NRXN3: variants seen among roughly 807,000 people sequenced by gnomAD.
NRXN3 encodes neurexin 3, also known as neurexin III.
In NRXN3, 32 loss-of-function variants were observed where a neutral mutation model predicts 137.6. That is an observed-to-expected ratio of 0.23 (90% confidence interval 0.18 to 0.31). The LOEUF is 0.31. Ranked by LOEUF, NRXN3 falls within the 10% of genes least tolerant of loss-of-function variation. NRXN3 has a pLI of 1.00. For synonymous variants in NRXN3, 798 were observed against 784.5 expected, an observed-to-expected ratio of 1.02 and a Z score of -0.29; for missense variants, 1,574 against 2,062.5, an observed-to-expected ratio of 0.76 and a Z score of 4.59.
chr14:79,559,733 C>A (rs2097470528), intron 16 of NRXN3, among the ~76,000 whole-genome samples: 1 of 152,072 alleles, frequency 6.6e-6, no homozygotes, highest in Admixed American at 6.5e-5. Context: ...AGCATAATAT[C>A]TACAAAGTGC....
chr14:79,081,340 G>C (rs756797824), intron 15 of NRXN3, among the ~76,000 whole-genome samples: 1 of 152,148 alleles, frequency 6.6e-6, no homozygotes, highest in Middle Eastern at 3.2e-3. Flanking sequence ...GTCCAGCCAG[G>C]TGCGGTGGCT....
intron 15 of NRXN3, among the ~76,000 whole-genome samples, chr14:79,046,592 A>G (rs2099633412): frequency 6.6e-6 from 1 of 152,196 alleles, no homozygotes; most frequent in African/African-American, 2.4e-5. Flanking sequence ...CAGGGGACAT[A>G]GGATCTTGTA....
chr14:78,608,245 G>C (rs1418151705), intron 4 of NRXN3, among the ~76,000 whole-genome samples: 1 of 152,094 alleles, frequency 6.6e-6, no homozygotes, highest in South Asian at 2.1e-4. Context: ...GGTCTGAAAT[G>C]TTACAACTTC....
intron 15 of NRXN3, among the ~76,000 whole-genome samples, chr14:79,387,605 A>G (rs2094677393): frequency 6.6e-6 from 1 of 152,198 alleles, no homozygotes; most frequent in Admixed American, 6.5e-5. Flanking sequence ...ATTACTGGGT[A>G]TATACCTAAA....
intron 1 of NRXN3, among the ~76,000 whole-genome samples, chr14:78,216,570 G>A: frequency 6.6e-6 from 1 of 152,200 alleles, no homozygotes; most frequent in Non-Finnish European, 1.5e-5. Context: ...AAGTTGGCTT[G>A]AGACAATGTT....
intron 15 of NRXN3, among the ~76,000 whole-genome samples, chr14:79,208,308 G>T (rs1021395965): frequency 1.3e-5 from 2 of 152,108 alleles, no homozygotes; most frequent in Admixed American, 6.5e-5. Context: ...AGCATATCGA[G>T]GTAGGATTAA....
chr14:78,611,017 C>T (rs2152468400), intron 4 of NRXN3, among the ~76,000 whole-genome samples: 1 of 152,302 alleles, frequency 6.6e-6, no homozygotes, highest in South Asian at 2.1e-4. Flanking sequence ...CTTCCTCTCA[C>T]TTCCCTCCCT....
intron 4 of NRXN3, chr14:78,526,699 T>C (rs1009522766): frequency 1.6e-5 from 8 of 509,540 alleles, no homozygotes; most frequent in Non-Finnish European, 2.7e-5. Context: ...GTAAGCACTT[T>C]CGTGCATTAT....
intron 10 of NRXN3, among the ~76,000 whole-genome samples, chr14:78,885,470 A>C (rs1312486064): frequency 1.2e-4 from 18 of 152,088 alleles, no homozygotes; most frequent in Non-Finnish European, 2.2e-4. Flanking sequence ...AATTGCATTT[A>C]ATACATAATA....
chr14:78,446,187 G>A (rs949531383), intron 4 of NRXN3, among the ~76,000 whole-genome samples: 2 of 152,062 alleles, frequency 1.3e-5, no homozygotes, highest in Non-Finnish European at 2.9e-5. Flanking sequence ...TTAACTCAGC[G>A]CAAGTTTTGT....
chr14:79,145,600 A>C (rs1011118795), intron 15 of NRXN3, among the ~76,000 whole-genome samples: 1 of 152,196 alleles, frequency 6.6e-6, no homozygotes, highest in Non-Finnish European at 1.5e-5. Flanking sequence ...GAGCAGCCAG[A>C]CAGGTCTTCC....
chr14:78,196,588 A>G (rs1278739786), intron 1 of NRXN3, among the ~76,000 whole-genome samples: 1 of 152,198 alleles, frequency 6.6e-6, no homozygotes, highest in Admixed American at 6.5e-5. Context: ...TTCCTTTATC[A>G]TTTTAAAAAT....
chr14:79,231,364 G>A (rs981633331), intron 15 of NRXN3, among the ~76,000 whole-genome samples: 1 of 152,162 alleles, frequency 6.6e-6, no homozygotes, highest in Non-Finnish European at 1.5e-5. Flanking sequence ...TTCAGTCTAA[G>A]CCAATGTGGG....
At chr14:79,043,306 A>G (rs1048186809) in intron 15 of NRXN3, among the ~76,000 whole-genome samples, 5 of 152,168 alleles carry the variant, frequency 3.3e-5, no homozygotes, top group African/African-American at 1.2e-4. Flanking sequence ...TCTGTTTTAG[A>G]TACTGAAAGT....
intron 16 of NRXN3, among the ~76,000 whole-genome samples, chr14:79,567,188 C>T: frequency 6.6e-6 from 1 of 150,884 alleles, no homozygotes. Flanking sequence ...ATTTTTTGAC[C>T]CTTGAATGAC....
At chr14:78,298,056 A>G (rs1424832851) in intron 4 of NRXN3, among the ~76,000 whole-genome samples, 196 bp downstream of exon 4, 3 of 152,098 alleles carry the variant, frequency 2.0e-5, no homozygotes, top group African/African-American at 7.2e-5. Flanking sequence ...TCCCACCCCT[A>G]TTGTCCCCTT....
intron 15 of NRXN3, among the ~76,000 whole-genome samples, chr14:79,335,897 A>G (rs551542909): frequency 1.3e-5 from 2 of 152,214 alleles, no homozygotes; most frequent in Admixed American, 6.5e-5. Flanking sequence ...CTACGTTATA[A>G]TGCCATTTAT....
chr14:78,924,070 T>C (rs1232366203), intron 10 of NRXN3, among the ~76,000 whole-genome samples: 1 of 151,954 alleles, frequency 6.6e-6, no homozygotes, highest in African/African-American at 2.4e-5. Context: ...ACCAATATGG[T>C]GAAACACCAT....
intron 15 of NRXN3, among the ~76,000 whole-genome samples, chr14:79,423,664 G>C (rs1002155613): frequency 6.6e-6 from 1 of 152,154 alleles, no homozygotes; most frequent in African/African-American, 2.4e-5. Flanking sequence ...GAAAGCGTCG[G>C]TTGCTCTCAT....
Sources: gnomAD v4.1 joint callset for allele counts (sites outside exome capture counted in the v4.1 genomes callset) on GRCh38, gnomAD v4.1.1 for gene constraint, MANE v1.5 for transcripts, NCBI Gene and HGNC (gene_info 2026-07-23, HGNC 2026-07-21) for gene names.